The following LINGO2 variants were observed in gnomAD, a reference collection of about 807,000 sequenced individuals.
LINGO2 encodes leucine-rich repeat and immunoglobulin-like domain-containing nogo receptor-interacting protein 2.
Under a neutral mutation model 30.6 loss-of-function variants are expected in LINGO2, and 14 were observed. That is an observed-to-expected ratio of 0.46 (90% CI 0.30 to 0.72). The LOEUF (loss-of-function observed/expected upper bound fraction) is 0.72, where lower values mean the gene tolerates loss of function less well. Among genes scored for constraint, LINGO2 ranks in the 30% least tolerant of loss-of-function variants. The pLI, the probability that LINGO2 is intolerant of heterozygous loss-of-function variation, is 0.07. For missense variants in LINGO2, 729 were observed against 751.7 expected, an observed-to-expected ratio of 0.97 and a Z score of 0.35; for synonymous variants, 317 against 288.5, an observed-to-expected ratio of 1.10 and a Z score of -1.00.
At chr9:28,931,241 G>A in the LINGO2 span, among the ~76,000 whole-genome samples, 1 of 152,170 alleles carries the variant, frequency 6.6e-6, no homozygotes, top group Non-Finnish European at 1.5e-5. Flanking sequence ...TTGAGTACGT[G>A]AAAACCCTAA....
chr9:29,025,241 T>C, the LINGO2 span, among the ~76,000 whole-genome samples: 1 of 152,006 alleles, frequency 6.6e-6, no homozygotes, highest in African/African-American at 2.4e-5. Context: ...ATGAACCCCG[T>C]AAACACTGCA....
intron 1 of LINGO2, among the ~76,000 whole-genome samples, chr9:28,479,766 A>G (rs984187342): frequency 7.3e-5 from 11 of 150,108 alleles, no homozygotes; most frequent in Non-Finnish European, 1.3e-4. Context: ...AAGAACAGTC[A>G]TTGGTCCTAT....
chr9:28,087,309 G>C (rs905213419), intron 4 of LINGO2, among the ~76,000 whole-genome samples: 1 of 152,000 alleles, frequency 6.6e-6, no homozygotes, highest in African/African-American at 2.4e-5. Context: ...GGGGTTATTT[G>C]TTATACAGCA....
chr9:28,421,163 C>T (rs530982815), intron 2 of LINGO2, among the ~76,000 whole-genome samples: 18 of 151,578 alleles, frequency 1.2e-4, no homozygotes, highest in African/African-American at 4.1e-4. Flanking sequence ...CATTTGTATA[C>T]ACTAAAAGGA....
At chr9:28,557,364 G>T (rs1419298324) in intron 1 of LINGO2, among the ~76,000 whole-genome samples, 1 of 152,082 alleles carries the variant, frequency 6.6e-6, no homozygotes, top group African/African-American at 2.4e-5. Context: ...CTTAAAAGAA[G>T]ACATTTATGC....
intron 1 of LINGO2, among the ~76,000 whole-genome samples, chr9:28,575,484 T>C (rs1003826551): frequency 1.3e-5 from 2 of 150,356 alleles, no homozygotes; most frequent in Non-Finnish European, 1.5e-5. Flanking sequence ...TGAGTACACA[T>C]GGACATAAAG....
chr9:28,716,197 A>G, the LINGO2 span, among the ~76,000 whole-genome samples: 6 of 151,772 alleles, frequency 4.0e-5, no homozygotes, highest in African/African-American at 1.4e-4. Flanking sequence ...AAATCTTCTC[A>G]GCAATGCGAT....
the LINGO2 span, among the ~76,000 whole-genome samples, chr9:28,807,792 A>G: frequency 2.0e-5 from 3 of 152,212 alleles, no homozygotes; most frequent in Non-Finnish European, 2.9e-5. Context: ...CATAGCATTC[A>G]TAATTATCAA....
chr9:28,912,092 C>G, the LINGO2 span, among the ~76,000 whole-genome samples: 2 of 151,962 alleles, frequency 1.3e-5, no homozygotes, highest in African/African-American at 4.8e-5. Flanking sequence ...ATCGGCCTGG[C>G]AACATGGCTT....
chr9:28,117,770 C>A (rs932749221), intron 4 of LINGO2, among the ~76,000 whole-genome samples: 1 of 149,122 alleles, frequency 6.7e-6, no homozygotes, highest in East Asian at 2.0e-4. Context: ...TGCTTCGGCT[C>A]GCGGACGGTG....
chr9:28,772,625 G>T, the LINGO2 span, among the ~76,000 whole-genome samples: 3 of 152,084 alleles, frequency 2.0e-5, no homozygotes, highest in Non-Finnish European at 4.4e-5. Context: ...ATTTCTTCTA[G>T]GCCTTACATT....
chr9:28,876,520 T>G, the LINGO2 span, among the ~76,000 whole-genome samples: 20,562 of 151,742 alleles, frequency 0.14, 1,988 homozygotes, highest in African/African-American at 0.27. Flanking sequence ...TTGTCCTTGC[T>G]ATACTTTACT....
At chr9:28,835,602 C>G in the LINGO2 span, among the ~76,000 whole-genome samples, 1 of 152,176 alleles carries the variant, frequency 6.6e-6, no homozygotes, top group Non-Finnish European at 1.5e-5. Flanking sequence ...ACATATCTAA[C>G]TACTTAACCT....
At chr9:29,158,773 T>TGAGA in the LINGO2 span, among the ~76,000 whole-genome samples, 3 of 150,840 alleles carry the variant, frequency 2.0e-5, no homozygotes, top group East Asian at 3.9e-4. Flanking sequence ...TGTGTGTGTA[T>TGAGA]GAGAGAGAGA....
At chr9:28,800,837 T>C in the LINGO2 span, among the ~76,000 whole-genome samples, 1 of 152,056 alleles carries the variant, frequency 6.6e-6, no homozygotes, top group Non-Finnish European at 1.5e-5. Flanking sequence ...TAAATAACAA[T>C]GGGGTTATAT....
At chr9:27,966,968 A>G (rs887682362) in intron 5 of LINGO2, among the ~76,000 whole-genome samples, 3 of 152,128 alleles carry the variant, frequency 2.0e-5, no homozygotes, top group East Asian at 1.9e-4. Flanking sequence ...CTTCAATTTT[A>G]TCGATTGTTC....
At chr9:28,780,545 A>T in the LINGO2 span, among the ~76,000 whole-genome samples, 1 of 152,108 alleles carries the variant, frequency 6.6e-6, no homozygotes, top group African/African-American at 2.4e-5. Flanking sequence ...AAGATGAGAA[A>T]ATTTTCAAAG....
intron 4 of LINGO2, among the ~76,000 whole-genome samples, chr9:28,155,668 A>G (rs1348684387): frequency 6.6e-6 from 1 of 152,216 alleles, no homozygotes; most frequent in African/African-American, 2.4e-5. Flanking sequence ...AGTTGGTGTA[A>G]GACTAATGCT....
chr9:28,233,063 A>ATATATATATAT lies in LINGO2; in HGVS notation c.-87+62144_-87+62145insATATATATATA, dbSNP rs1308692360. Reference sequence around the variant, plus strand: ...ATATATATATATATATATATATATTAGATATATAATAGATATACAGTAAAC... The same window carrying ATATATATATAT: ...ATATATATATATATATATATATATTATATATATATATGATATATAATAGATATACAGTAAAC... On this transcript the variant is annotated intron_variant, in intron 4 of 5. Coordinates refer to ENST00000379992, the Ensembl canonical transcript of LINGO2. Among the ~76,000 whole-genome samples the ATATATATATAT allele has an allele frequency of 4.7e-4, 42 of 89,520 alleles. 1 individual carries two copies. Among genetic ancestry groups the ATATATATATAT allele is most frequent in the African/African-American group, 2.4e-3 (42 of 17,716 alleles). 58.7% of individuals were successfully genotyped at this position (89,520 alleles called of 152,430 possible).
Sources: gnomAD v4.1 joint callset for allele counts (sites outside exome capture counted in the v4.1 genomes callset) on GRCh38, gnomAD v4.1.1 for gene constraint, MANE v1.5 for transcripts, NCBI Gene and HGNC (gene_info 2026-07-23, HGNC 2026-07-21) for gene names.